The following RCN3 variants were observed in gnomAD, a reference collection of about 807,000 sequenced individuals.
RCN3 encodes reticulocalbin 3.
In RCN3, 41 loss-of-function variants were observed where a neutral mutation model predicts 35.9. The ratio of observed to expected loss-of-function variants is 1.14; its 90% CI spans 0.89 to 1.48. The LOEUF is 1.48. Among genes scored for constraint, RCN3 ranks in the 40% most tolerant of loss-of-function variants. RCN3 has a pLI of 0.00. For synonymous variants in RCN3, 187 were observed against 193.4 expected, an observed-to-expected ratio of 0.97 and a Z score of 0.27; for missense variants, 451 against 471.3, an observed-to-expected ratio of 0.96 and a Z score of 0.40.
chr19:49,536,898 A>C, intron 3 of RCN3, 135 bp from the exon 4 acceptor site: 1 of 757,736 alleles, frequency 1.3e-6, no homozygotes, highest in Non-Finnish European at 1.9e-6. Context: ...GAGCCACTGC[A>C]TCCAGCCTAC....
intron 2 of RCN3, among the ~76,000 whole-genome samples, chr19:49,531,351 G>A (rs1283468310): frequency 1.3e-5 from 2 of 152,140 alleles, no homozygotes; most frequent in South Asian, 2.1e-4. Flanking sequence ...AGTGGCTCAC[G>A]CCTGCAATCC....
chr19:49,536,538 C>A (rs891968439), intron 3 of RCN3, among the ~76,000 whole-genome samples: 2 of 139,042 alleles, frequency 1.4e-5, no homozygotes, highest in Admixed American at 7.2e-5. Context: ...TGACCTCAGG[C>A]GATCCACCCA....
At chr19:49,542,389 T>G (rs1368419776) in intron 5 of RCN3, among the ~76,000 whole-genome samples, 164 bp from the exon 6 acceptor site, 1 of 152,208 alleles carries the variant, frequency 6.6e-6, no homozygotes, top group African/African-American at 2.4e-5. Context: ...AAGTCAGGTT[T>G]TGTTACTAAT....
chr19:49,542,969 C>T (rs546950140), intron 6 of RCN3, 137 bp from the exon 7 acceptor site: 96 of 846,606 alleles, frequency 1.1e-4, no homozygotes, highest in African/African-American at 7.8e-4. Flanking sequence ...GGGACCAAGA[C>T]GGGGACAGAT....
chr19:49,528,236 G>A (rs1601204551), intron 1 of RCN3, 178 bp downstream of exon 1: 1 of 457,942 alleles, frequency 2.2e-6, no homozygotes, highest in Admixed American at 3.7e-5. Context: ...TGGCAGGTCT[G>A]GGACCCCCCT....
At chr19:49,537,959 TAGA>T (rs2080144493) in intron 4 of RCN3, among the ~76,000 whole-genome samples, 1 of 150,912 alleles carries the variant, frequency 6.6e-6, no homozygotes. Context: ...CTTTGTTCTA[TAGA>T]AGAAGGCTTT....
chr19:49,543,374 C>A lies in RCN3; in HGVS notation c.*161C>A. ...AGGGACCCCCTGGGTCGGCTTCTGT[C>A]CCTGTCACACCCCCAACCCCAGGGA... On this transcript the variant is annotated 3_prime_UTR_variant, in exon 7 of 7. Coordinates refer to ENST00000270645, the MANE Select transcript of RCN3 (RefSeq NM_020650.3). 2 of 635,768 alleles carry A rather than the reference C, an allele frequency of 3.1e-6. No homozygotes were observed. Among genetic ancestry groups the A allele is most frequent in the Non-Finnish European group, 5.7e-6 (2 of 353,306 alleles). 39.4% of individuals were successfully genotyped at this position (635,768 alleles called of 1,614,324 possible).
chr19:49,541,138 C>G (rs754697494), intron 5 of RCN3, among the ~76,000 whole-genome samples: 16 of 151,970 alleles, frequency 1.1e-4, no homozygotes, highest in Admixed American at 2.0e-4. Context: ...CCATTTTGGT[C>G]AGGCTGGTCT....
At chr19:49,535,828 C>T (rs947366680) in intron 3 of RCN3, among the ~76,000 whole-genome samples, 3 of 140,626 alleles carry the variant, frequency 2.1e-5, no homozygotes, top group Non-Finnish European at 4.5e-5. Context: ...CTGGCCTTGG[C>T]GACAGAGTGA....
intron 3 of RCN3, 24 bp downstream of exon 3, chr19:49,534,419 G>A: frequency 2.0e-6 from 3 of 1,535,422 alleles, no homozygotes; most frequent in South Asian, 1.2e-5. Context: ...CCCCGACCCT[G>A]CTCCCCATAC....
chr19:49,535,991 CT>C (rs201951393), intron 3 of RCN3, among the ~76,000 whole-genome samples: 12,910 of 140,084 alleles, frequency 0.092, 620 homozygotes, highest in African/African-American at 0.14. Flanking sequence ...TCAATATATG[CT>C]TTTTTTTTTT....
Position 49,539,003 on chromosome 19 carries a change from C to T in RCN3, c.619-116C>T. The T allele has an allele frequency of 4.5e-6, 3 of 663,972 alleles. No individual in the cohort carries two copies. In the South Asian group the frequency reaches 6.0e-5, roughly 13 times the overall value. The allele number at this position is 663,972 out of a possible 1,614,324, so 41.1% of individuals were successfully genotyped here. A position where few individuals can be genotyped will look rare whatever the true frequency, so the allele number is the denominator to read the frequency against. Reference sequence around the variant, plus strand: ...TGAGACTGCTCTACTGCCTGCCTCCCACAGCTGCCCGGAGCTAAATTTCCA... The same window carrying T: ...TGAGACTGCTCTACTGCCTGCCTCCTACAGCTGCCCGGAGCTAAATTTCCA... On this transcript the variant is annotated intron_variant, in intron 4 of 6. Coordinates refer to ENST00000270645, the MANE Select transcript of RCN3 (RefSeq NM_020650.3).
chr19:49,543,453 C>A lies in RCN3; in HGVS notation c.*240C>A. On this transcript the variant is annotated 3_prime_UTR_variant, in exon 7 of 7. Transcript: ENST00000270645. ...AATACCTATTTCTGACTGAGTCTCC[C>A]AGCCCAGACCCAGGGACCCTTGGCC... 1.8e-6 allele frequency: 1 copy of A among 540,966 alleles called. No individual in the cohort carries two copies. The highest frequency in any genetic ancestry group is 3.3e-6 in the Non-Finnish European group (1 of 299,650). 33.5% of individuals were successfully genotyped at this position (540,966 alleles called of 1,614,324 possible).
At chr19:49,538,875 T>C (rs1032456891) in intron 4 of RCN3, among the ~76,000 whole-genome samples, 2 of 152,178 alleles carry the variant, frequency 1.3e-5, no homozygotes, top group African/African-American at 4.8e-5. Context: ...ACCTGTGCAC[T>C]GCTGGACATT....
At chr19:49,535,023 C>A (rs1033243621) in intron 3 of RCN3, among the ~76,000 whole-genome samples, 28 of 152,234 alleles carry the variant, frequency 1.8e-4, no homozygotes, top group African/African-American at 6.5e-4. Context: ...CTGGCCCCAG[C>A]CTCCCCGTCC....
chr19:49,537,235 C>G, intron 4 of RCN3, 30 bp downstream of exon 4: 1 of 1,445,618 alleles, frequency 6.9e-7, no homozygotes. Context: ...CCCTGTCCCC[C>G]ACACCCTTCC....
At chr19:49,539,609 T>C (rs113220818) in intron 5 of RCN3, among the ~76,000 whole-genome samples, 2 of 119,740 alleles carry the variant, frequency 1.7e-5, no homozygotes, top group Non-Finnish European at 3.2e-5. Context: ...ACATGGGATG[T>C]TGGGGGATCC....
chr19:49,543,281 C>T lies in RCN3; in HGVS notation c.*68C>T. ...CGGAGGAGGGGCCGCTGTGGTCTGGCCCCCTCCCTGTCCAGGCCCCGCAGG... is the reference window on the plus strand; with the variant it reads ...CGGAGGAGGGGCCGCTGTGGTCTGGTCCCCTCCCTGTCCAGGCCCCGCAGG... On this transcript the variant is annotated 3_prime_UTR_variant, in exon 7 of 7. Coordinates refer to ENST00000270645, the MANE Select transcript of RCN3 (RefSeq NM_020650.3). The T allele has an allele frequency of 1.6e-6, 2 of 1,288,570 alleles. No homozygotes were observed. The highest frequency in any genetic ancestry group is 2.2e-6 in the Non-Finnish European group (2 of 900,478). The allele number at this position is 1,288,570 out of a possible 1,614,324, so 79.8% of individuals were successfully genotyped here.
chr19:49,534,194 C>T lies in RCN3; in HGVS notation c.244C>T (p.Arg82Trp), dbSNP rs757583791. ...ACGTGTGCCCGCCCCGGCTTCTAGG[C>T]GGATCGTGGACCGCATGGACCGCGC... ...TPEESQARLG[R>W]IVDRMDRAGD... is the part of the protein sequence containing the mutation. Residue 82 changes from arginine (R) to tryptophan (W), a missense_variant and splice_region_variant, in exon 3 of 7, where the codon CGG becomes TGG. Physicochemically the swap from Arg to Trp is moderately radical, Grantham distance 101. Coordinates refer to ENST00000270645, the MANE Select transcript of RCN3 (RefSeq NM_020650.3). 2.0e-6 allele frequency: 3 copies of T among 1,490,034 alleles called. No homozygotes were observed. The highest frequency in any genetic ancestry group is 2.7e-6 in the Non-Finnish European group (3 of 1,126,004). 92.3% of individuals were successfully genotyped at this position (1,490,034 alleles called of 1,614,324 possible).
Sources: gnomAD v4.1 joint callset for allele counts (sites outside exome capture counted in the v4.1 genomes callset) on GRCh38, gnomAD v4.1.1 for gene constraint, MANE v1.5 for transcripts, NCBI Gene and HGNC (gene_info 2026-07-23, HGNC 2026-07-21) for gene names.